RAB31: variants seen among roughly 807,000 people sequenced by gnomAD.
RAB31 encodes the protein RAB31, member RAS oncogene family, also known as ras-related protein Rab-31.
A neutral mutation model predicts 25.6 loss-of-function variants in RAB31; 21 were observed. The observed-to-expected ratio is 0.82, with a 90% CI of 0.58 to 1.18. The LOEUF (loss-of-function observed/expected upper bound fraction) is 1.18, where lower values mean the gene tolerates loss of function less well. Among genes scored for constraint, RAB31 ranks in the 50% most tolerant of loss-of-function variants. The pLI, the probability that RAB31 is intolerant of heterozygous loss-of-function variation, is 0.00. For missense variants in RAB31, 196 were observed against 250.1 expected, an observed-to-expected ratio of 0.78 and a Z score of 1.46; for synonymous variants, 87 against 84.0, an observed-to-expected ratio of 1.04 and a Z score of -0.20.
At chr18:9,821,849 A>G (rs746374316) in intron 5 of RAB31, among the ~76,000 whole-genome samples, 1 of 152,196 alleles carries the variant, frequency 6.6e-6, no homozygotes, top group African/African-American at 2.4e-5. Flanking sequence ...ATGTTTATGA[A>G]TTGAAAGTCT....
intron 1 of RAB31, among the ~76,000 whole-genome samples, chr18:9,747,833 T>C (rs2068213305): frequency 6.6e-6 from 1 of 152,254 alleles, no homozygotes; most frequent in African/African-American, 2.4e-5. Flanking sequence ...TTGTTCACTT[T>C]AAAATGGTGA....
intron 1 of RAB31, among the ~76,000 whole-genome samples, chr18:9,752,777 C>A (rs898974585): frequency 9.2e-5 from 14 of 152,104 alleles, no homozygotes; most frequent in African/African-American, 3.4e-4. Context: ...GCACACAAAC[C>A]CTTTTACAAC....
intron 1 of RAB31, among the ~76,000 whole-genome samples, chr18:9,716,944 A>G (rs576040880): frequency 9.3e-6 from 1 of 107,666 alleles, no homozygotes; most frequent in East Asian, 2.3e-4. Flanking sequence ...TTTTTTTGGT[A>G]GAGATGGGGT....
chr18:9,750,184 G>T (rs1021588438), intron 1 of RAB31, among the ~76,000 whole-genome samples: 2 of 152,180 alleles, frequency 1.3e-5, no homozygotes, highest in Non-Finnish European at 2.9e-5. Context: ...GAAGAAATGG[G>T]AAACACGCTG....
chr18:9,763,659 C>T (rs951332754), intron 1 of RAB31, among the ~76,000 whole-genome samples: 6 of 149,534 alleles, frequency 4.0e-5, no homozygotes, highest in African/African-American at 9.8e-5. Context: ...ATTGGAGTTC[C>T]AGTAGGATAG....
At chr18:9,740,208 GA>G (rs2068171271) in intron 1 of RAB31, among the ~76,000 whole-genome samples, 7 of 152,206 alleles carry the variant, frequency 4.6e-5, no homozygotes, top group Admixed American at 2.0e-4. Flanking sequence ...AGTATTTTGA[GA>G]ACATCCAGGA....
At chr18:9,792,292 C>A in intron 3 of RAB31, 57 bp downstream of exon 3, 1 of 1,554,834 alleles carries the variant, frequency 6.4e-7, no homozygotes. Flanking sequence ...AGATCAGTTT[C>A]TGAAGGTTTG....
intron 2 of RAB31, among the ~76,000 whole-genome samples, chr18:9,782,431 T>C (rs1020498388): frequency 6.6e-6 from 1 of 152,212 alleles, no homozygotes; most frequent in Non-Finnish European, 1.5e-5. Context: ...ATGCCATTGC[T>C]TCAGCATTAA....
At chr18:9,819,831 A>G (rs1311300787) in intron 5 of RAB31, among the ~76,000 whole-genome samples, 2 of 151,872 alleles carry the variant, frequency 1.3e-5, no homozygotes, top group East Asian at 1.9e-4. Flanking sequence ...GGTATTGTGA[A>G]TGGGATTGTT....
chr18:9,817,653 G>A (rs935264908), intron 5 of RAB31, among the ~76,000 whole-genome samples: 3 of 152,164 alleles, frequency 2.0e-5, no homozygotes, highest in South Asian at 2.1e-4. Flanking sequence ...CTAGAAAAGT[G>A]TAGCCTGGCC....
intron 5 of RAB31, among the ~76,000 whole-genome samples, chr18:9,827,416 C>T (rs1470259396): frequency 6.6e-6 from 1 of 152,120 alleles, no homozygotes; most frequent in Non-Finnish European, 1.5e-5. Flanking sequence ...ACTTTCTTCT[C>T]AGAGGTGGTG....
intron 6 of RAB31, among the ~76,000 whole-genome samples, chr18:9,848,476 C>A (rs1196571487): frequency 6.6e-6 from 1 of 152,210 alleles, no homozygotes; most frequent in East Asian, 1.9e-4. Context: ...GATCTTTTGC[C>A]TCTTTTCTCC....
At chr18:9,729,527 A>G (rs2068111836) in intron 1 of RAB31, among the ~76,000 whole-genome samples, 1 of 81,828 alleles carries the variant, frequency 1.2e-5, no homozygotes, top group Non-Finnish European at 2.2e-5. Flanking sequence ...ACTCCGTCTC[A>G]AAAAAAAAAA....
chr18:9,833,855 A>G (rs2068691539), intron 5 of RAB31, among the ~76,000 whole-genome samples: 1 of 152,222 alleles, frequency 6.6e-6, no homozygotes, highest in African/African-American at 2.4e-5. Context: ...AGTGTCATAA[A>G]GTTCTTTGTC....
chr18:9,751,672 T>C (rs1434344765), intron 1 of RAB31, among the ~76,000 whole-genome samples: 2 of 152,236 alleles, frequency 1.3e-5, no homozygotes, highest in African/African-American at 4.8e-5. Context: ...TAAGTCATGG[T>C]TAGACATATA....
chr18:9,744,938 G>C (rs1187975216), intron 1 of RAB31, among the ~76,000 whole-genome samples: 1 of 151,912 alleles, frequency 6.6e-6, no homozygotes, highest in Non-Finnish European at 1.5e-5. Flanking sequence ...TAAACTCAAA[G>C]TTACAAATTG....
intron 2 of RAB31, among the ~76,000 whole-genome samples, chr18:9,783,644 G>C (rs1309555269): frequency 6.6e-6 from 1 of 152,074 alleles, no homozygotes; most frequent in East Asian, 1.9e-4. Flanking sequence ...CAAAGTTAAA[G>C]GGCAAATGTT....
rs148557227 is a variant in RAB31 at position 9,784,375 on chromosome 18, T to C, written c.120-7779T>C. ...AAAATTAAGTCTAAGGATATAGTTG[T>C]ACAGGGACACAAAGATGTAATTATA... On this transcript the variant is annotated intron_variant, in intron 2 of 6. Coordinates refer to ENST00000578921, the MANE Select transcript of RAB31 (RefSeq NM_006868.4). 2.1e-3 allele frequency among the ~76,000 whole-genome samples: 315 copies of C among 152,080 alleles called. 1 individual carries two copies. Among genetic ancestry groups the C allele is most frequent in the African/African-American group, 7.3e-3 (303 of 41,472 alleles).
intron 4 of RAB31, chr18:9,814,575 T>G (rs1204460456): frequency 1.3e-5 from 2 of 158,322 alleles, no homozygotes; most frequent in Non-Finnish European, 2.8e-5. Context: ...TTCCCACTCC[T>G]GCAAACTGAA....
Sources: allele counts gnomAD v4.1 joint callset (sites outside exome capture counted in the v4.1 genomes callset), GRCh38; gene constraint gnomAD v4.1.1; transcripts MANE v1.5; gene names NCBI Gene and HGNC (gene_info 2026-07-23, HGNC 2026-07-21).